Variants in CLIP4 observed in about 807,000 individuals in gnomAD.
CLIP4 encodes the protein CAP-Gly domain containing linker protein family member 4.
A neutral mutation model predicts 73.1 loss-of-function variants in CLIP4; 47 were observed. The observed-to-expected ratio is 0.64, with a 90% CI of 0.51 to 0.82. The LOEUF is 0.82. Ranked by LOEUF, CLIP4 falls within the 40% of genes least tolerant of loss-of-function variation. The pLI is 0.00. For missense variants in CLIP4, 874 were observed against 852.9 expected (o/e 1.02, Z -0.31); for synonymous variants, 306 against 295.4 (o/e 1.04, Z -0.37).
At chr2:29,166,302 C>T (rs915909187) in intron 13 of CLIP4, among the ~76,000 whole-genome samples, 6 of 152,076 alleles carry the variant, frequency 3.9e-5, no homozygotes, top group Non-Finnish European at 7.4e-5. Flanking sequence ...CTTCTCAGGA[C>T]TATGGCTGGC....
chr2:29,130,469 A>G (rs1227205732), intron 2 of CLIP4: 1 of 263,184 alleles, frequency 3.8e-6, no homozygotes, highest in African/African-American at 2.3e-5. Context: ...CAATGTGCTG[A>G]GTCATGCTGA....
At chr2:29,159,530 G>A (rs1474629824) in intron 11 of CLIP4, among the ~76,000 whole-genome samples, 2 of 151,940 alleles carry the variant, frequency 1.3e-5, no homozygotes, top group Admixed American at 6.6e-5. Flanking sequence ...AATTAGAACC[G>A]TATAGCAATT....
rs1046282811 is a variant in CLIP4, at chr2:29,119,507, A to T, written c.-15-1867A>T. Among the ~76,000 whole-genome samples, 5 of 152,194 alleles carry T rather than the reference A, an allele frequency of 3.3e-5. No individual in the cohort carries two copies. In the East Asian group the frequency reaches 9.6e-4, roughly 29 times the overall value. ...CTTTTTGCTGAAGAATTAAGAGTAT[A>T]AAAACATGTCTGAGTCCCAAACCGT... On this transcript the variant is annotated intron_variant, in intron 1 of 15. Coordinates refer to ENST00000320081, the MANE Select transcript of CLIP4 (RefSeq NM_024692.6).
At chr2:29,103,111 T>C (rs1444831590) in intron 1 of CLIP4, among the ~76,000 whole-genome samples, 4 of 152,016 alleles carry the variant, frequency 2.6e-5, no homozygotes, top group African/African-American at 4.8e-5. Context: ...TTTTCCTCCT[T>C]CTCCCTCCAA....
intron 12 of CLIP4, 113 bp downstream of exon 12, chr2:29,160,580 G>C: frequency 8.4e-7 from 1 of 1,197,382 alleles, no homozygotes; most frequent in South Asian, 1.5e-5. Context: ...AGTTTTTGTG[G>C]ATGGCAGCTA....
In CLIP4 at chr2:29,182,291, T is replaced by G. The variant is rs951352198; in HGVS notation, c.*398T>G. On this transcript the variant is annotated 3_prime_UTR_variant, in exon 16 of 16. Coordinates refer to ENST00000320081, the MANE Select transcript of CLIP4 (RefSeq NM_024692.6). ...GGTTATGTGTAATGTTCACGTGACC[T>G]TTTTTTGTCAATCATTTTTGGAATT... is the stretch of plus-strand genomic sequence containing the variant. The G allele has an allele frequency of 6.4e-6, 1 of 155,226 alleles. No homozygotes were observed. Among genetic ancestry groups the G allele is most frequent in the African/African-American group, 2.4e-5 (1 of 41,544 alleles). The allele number at this position is 155,226 out of a possible 1,614,324, so 9.6% of individuals were successfully genotyped here.
chr2:29,150,041 T>C (rs1027681516), intron 8 of CLIP4, among the ~76,000 whole-genome samples: 8 of 152,212 alleles, frequency 5.3e-5, no homozygotes, highest in Non-Finnish European at 1.2e-4. Context: ...TCTTTTTGCC[T>C]GTGTGATCAC....
intron 8 of CLIP4, among the ~76,000 whole-genome samples, chr2:29,148,867 A>G (rs1008665157): frequency 2.6e-5 from 4 of 152,208 alleles, no homozygotes; most frequent in African/African-American, 7.2e-5. Context: ...CTTTCTGACA[A>G]AGGACTCATG....
At chr2:29,161,015 C>A (rs1050198459) in intron 12 of CLIP4, among the ~76,000 whole-genome samples, 2 of 151,978 alleles carry the variant, frequency 1.3e-5, no homozygotes, top group African/African-American at 4.8e-5. Context: ...GCTCTTGTTG[C>A]CCAGGCTGGA....
intron 2 of CLIP4, chr2:29,130,620 A>G (rs1664905724): frequency 9.1e-7 from 1 of 1,100,002 alleles, no homozygotes; most frequent in Non-Finnish European, 1.1e-6. Flanking sequence ...ATTTTTGCCT[A>G]ACAGGACCAT....
chr2:29,110,586 G>A (rs1241987412), upstream of CLIP4, among the ~76,000 whole-genome samples: 2 of 152,188 alleles, frequency 1.3e-5, no homozygotes, highest in Non-Finnish European at 2.9e-5. Context: ...GATATGTAAT[G>A]TATGCTGTAG....
At chr2:29,145,739 T>C (rs932528939) in intron 8 of CLIP4, among the ~76,000 whole-genome samples, 4 of 152,246 alleles carry the variant, frequency 2.6e-5, no homozygotes, top group African/African-American at 7.2e-5. Flanking sequence ...TATAGTGCAG[T>C]GGCTCGATCT....
intron 1 of CLIP4, among the ~76,000 whole-genome samples, chr2:29,100,423 C>T (rs189865556): frequency 1.3e-5 from 2 of 151,880 alleles, no homozygotes; most frequent in East Asian, 1.9e-4. Context: ...TCCCTATGTG[C>T]CCCCCAACAG....
chr2:29,115,878 C>G lies in CLIP4; in HGVS notation c.-16+213C>G, dbSNP rs6752670. 0.014 allele frequency among the ~76,000 whole-genome samples: 2,171 copies of G among 152,006 alleles called. 39 individuals carry two copies. Among genetic ancestry groups the G allele is most frequent in the African/African-American group, 0.049 (2,019 of 41,516 alleles). On this transcript the variant is annotated intron_variant, in intron 1 of 15. Transcript: ENST00000320081. The surrounding 1 kb of genome is among the most constrained non-coding windows in gnomAD (Gnocchi z 5.1). Reference sequence around the variant, plus strand: ...GGCCTTCTCGGGGCGGAGCGGCCCACCCGGCGGGGATGGGGACTCCTCGTG... The same window carrying G: ...GGCCTTCTCGGGGCGGAGCGGCCCAGCCGGCGGGGATGGGGACTCCTCGTG...
intron 8 of CLIP4, 80 bp downstream of exon 8, chr2:29,145,447 C>T: frequency 8.3e-7 from 1 of 1,206,066 alleles, no homozygotes; most frequent in Non-Finnish European, 1.2e-6. Flanking sequence ...TTAAATAAAA[C>T]TTTTCTCCTG....
intron 13 of CLIP4, among the ~76,000 whole-genome samples, chr2:29,166,779 T>C (rs962734387): frequency 2.0e-5 from 3 of 152,182 alleles, no homozygotes; most frequent in Admixed American, 2.0e-4. Flanking sequence ...ATGATGCCTA[T>C]GAATTGTAAT....
chr2:29,140,038 AT>A (rs1440846977), intron 6 of CLIP4, among the ~76,000 whole-genome samples: 8 of 150,130 alleles, frequency 5.3e-5, no homozygotes, highest in Admixed American at 2.0e-4. Context: ...GTTCTTATTT[AT>A]TTTTTTAACG....
At position 29,152,044 on chromosome 2, in the gene CLIP4, A is replaced by C. The variant is rs1666607877; in HGVS notation, c.1022-641A>C. Among the ~76,000 whole-genome samples, 2 of 152,150 alleles carry C rather than the reference A, an allele frequency of 1.3e-5. 1 individual carries two copies. The highest frequency in any genetic ancestry group is 4.1e-4 in the South Asian group (2 of 4,826). Reference sequence around the variant, plus strand: ...AGGAAGATTATATTTTATAGTCAGAAAGATTTATTTTATCCCTGCTATGTG... The same window carrying C: ...AGGAAGATTATATTTTATAGTCAGACAGATTTATTTTATCCCTGCTATGTG... On this transcript the variant is annotated intron_variant, in intron 8 of 15. Coordinates refer to ENST00000320081, the MANE Select transcript of CLIP4 (RefSeq NM_024692.6).
At chr2:29,122,283 A>T (rs1173275537) in intron 2 of CLIP4, among the ~76,000 whole-genome samples, 2 of 148,878 alleles carry the variant, frequency 1.3e-5, no homozygotes, top group African/African-American at 5.0e-5. Context: ...CAGCTTACCT[A>T]GACCAGTCGT....
Sources: allele counts gnomAD v4.1 joint callset (sites outside exome capture counted in the v4.1 genomes callset), GRCh38; gene constraint gnomAD v4.1.1; non-coding constraint Gnocchi (gnomAD v3.1); transcripts MANE v1.5; gene names NCBI Gene and HGNC (gene_info 2026-07-23, HGNC 2026-07-21).